Variants in NWD1 observed in about 807,000 individuals in gnomAD.
The protein encoded by NWD1 is NACHT and WD repeat domain containing 1.
In NWD1, 129 loss-of-function variants were observed where a neutral mutation model predicts 135.1. The observed-to-expected ratio is 0.96, with a 90% CI of 0.83 to 1.11. NWD1 has a LOEUF of 1.11. Among genes scored for constraint, NWD1 ranks in the 50% least tolerant of loss-of-function variants. The pLI is 0.00. For synonymous variants in NWD1, 773 were observed against 786.0 expected (o/e 0.98, Z 0.28); for missense variants, 1,740 against 1,851.3 (o/e 0.94, Z 1.10).
rs375602441 is a variant in NWD1 at position 16,749,160 on chromosome 19, G to A, written c.518G>A (p.Arg173Gln). 4.0e-5 allele frequency: 65 copies of A among 1,607,244 alleles called. No homozygotes were observed. Among genetic ancestry groups the A allele is most frequent in the Non-Finnish European group, 4.6e-5 (54 of 1,176,070 alleles). ...HRSVIEWEIE[R>Q]SLLSSEDREQ... ...GCAGTCATTGAGTGGGAGATAGAGCGGAGCCTGCTGAGCTCAGAGGACCGG... is the reference window on the plus strand; with the variant it reads ...GCAGTCATTGAGTGGGAGATAGAGCAGAGCCTGCTGAGCTCAGAGGACCGG... Residue 173 changes from arginine to glutamine, a missense_variant, in exon 6 of 19, where the codon CGG becomes CAG. Arg to Gln is a conservative substitution (Grantham distance 43). Coordinates refer to ENST00000524140, the MANE Select transcript of NWD1 (RefSeq NM_001007525.5).
In NWD1 at chr19:16,763,873, C is replaced by T. The variant is rs373800351; in HGVS notation, c.2179C>T (p.Arg727Trp). 5.8e-5 allele frequency: 93 copies of T among 1,613,808 alleles called. No homozygotes were observed. Among genetic ancestry groups the T allele is most frequent in the South Asian group, 1.2e-4 (11 of 91,078 alleles). ...GTTCTCACATACGGTTGCAAACCTGCGGAAGCTGAAGGAGTTGCCCTATCA... is the reference window on the plus strand; with the variant it reads ...GTTCTCACATACGGTTGCAAACCTGTGGAAGCTGAAGGAGTTGCCCTATCA... ...LWFSHTVANL[R>W]KLKELPYHLL... The change falls in exon 9 of 19, where the codon CGG becomes TGG. Residue 727 changes from arginine (R) to tryptophan (W), a missense_variant. Coordinates refer to ENST00000524140, the MANE Select transcript of NWD1 (RefSeq NM_001007525.5).
At chr19:16,748,678 G>T (rs572911108) in intron 5 of NWD1, among the ~76,000 whole-genome samples, 5 of 152,142 alleles carry the variant, frequency 3.3e-5, no homozygotes, top group Admixed American at 6.6e-5. Context: ...ACAAAAATTA[G>T]CCAGGCGTGC....
chr19:16,740,463 G>A (rs1290784717), intron 4 of NWD1, among the ~76,000 whole-genome samples: 1 of 151,846 alleles, frequency 6.6e-6, no homozygotes, highest in Non-Finnish European at 1.5e-5. Flanking sequence ...AGCCTCCTGA[G>A]TAGCTGGGAT....
chr19:16,722,918 G>A (rs983230815), intron 1 of NWD1, among the ~76,000 whole-genome samples: 3 of 152,074 alleles, frequency 2.0e-5, no homozygotes, highest in African/African-American at 7.2e-5. Context: ...CCTAGTTGGT[G>A]GCAAACTGTT....
intron 1 of NWD1, among the ~76,000 whole-genome samples, chr19:16,722,477 CG>C (rs1967175919): frequency 6.6e-6 from 1 of 151,608 alleles, no homozygotes; most frequent in South Asian, 2.1e-4. Flanking sequence ...TTAGTAGAGG[CG>C]GGGTTTCTCC....
At chr19:16,809,326 G>A (rs1413671904) in intron 18 of NWD1, among the ~76,000 whole-genome samples, 1 of 151,874 alleles carries the variant, frequency 6.6e-6, no homozygotes, top group Non-Finnish European at 1.5e-5. Context: ...GACCTGCCTT[G>A]GCCTCCCAAA....
At chr19:16,810,720 G>A (rs1026963727) in intron 18 of NWD1, among the ~76,000 whole-genome samples, 1 of 152,040 alleles carries the variant, frequency 6.6e-6, no homozygotes, top group Non-Finnish European at 1.5e-5. Context: ...CTATGATCTC[G>A]CCACTGCACT....
Position 16,749,162 on chromosome 19 carries a change from A to G in NWD1, c.520A>G (p.Ser174Gly), listed in dbSNP as rs3888834. ...AGTCATTGAGTGGGAGATAGAGCGG[A>G]GCCTGCTGAGCTCAGAGGACCGGGA... ...RSVIEWEIER[S>G]LLSSEDREQG... is the part of the protein sequence containing the mutation. The change falls in exon 6 of 19, where the codon AGC becomes GGC. Residue 174 changes from serine to glycine, a missense_variant. By Grantham distance (56) the Ser-to-Gly change is moderately conservative (BLOSUM62 0). Transcript: ENST00000524140. 6.2e-7 allele frequency: 1 copy of G among 1,609,410 alleles called. No individual in the cohort carries two copies. Among genetic ancestry groups the G allele is most frequent in the Admixed American group, 1.7e-5 (1 of 59,312 alleles).
intron 5 of NWD1, among the ~76,000 whole-genome samples, chr19:16,748,806 A>G (rs895060287): frequency 6.6e-6 from 1 of 151,948 alleles, no homozygotes; most frequent in Non-Finnish European, 1.5e-5. Flanking sequence ...CCTGGGTGAC[A>G]GAGTGAGACC....
chr19:16,746,060 C>T (rs1334102787), intron 5 of NWD1, among the ~76,000 whole-genome samples: 4 of 152,084 alleles, frequency 2.6e-5, no homozygotes, highest in Non-Finnish European at 5.9e-5. Context: ...GCCCACCAAT[C>T]ACATAAATTG....
intron 11 of NWD1, among the ~76,000 whole-genome samples, chr19:16,778,142 A>C (rs922904765): frequency 3.3e-5 from 5 of 152,104 alleles, no homozygotes; most frequent in Non-Finnish European, 1.5e-5. Flanking sequence ...ACGGGCTCTG[A>C]TTCAGCACCA....
rs1360510902 is a variant in NWD1, at chr19:16,741,851, C to G, written c.199-2570C>G. Among the ~76,000 whole-genome samples, 4 of 152,112 alleles carry G rather than the reference C, an allele frequency of 2.6e-5. No individual in the cohort carries two copies. In the East Asian group the frequency reaches 7.7e-4, roughly 29 times the overall value. Reference sequence around the variant, plus strand: ...GTTGGCTGGGCCCGGTGGCTCCTGCCTGTAATCCCAGAACGTTGGGAGGCT... The same window carrying G: ...GTTGGCTGGGCCCGGTGGCTCCTGCGTGTAATCCCAGAACGTTGGGAGGCT... On this transcript the variant is annotated intron_variant, in intron 4 of 18. Transcript: ENST00000524140.
Position 16,791,477 on chromosome 19 carries a change from T to C in NWD1, c.3068T>C (p.Val1023Ala), listed in dbSNP as rs778014209. ...CTGCTGACAGTGTCCAGGGATGGTG[T>C]GGTCAGTCTGTGGAGCTCAGCTACG... ...ATLLTVSRDG[V>A]VSLWSSATGK... The change falls in exon 14 of 19, where the codon GTG (valine) becomes GCG (alanine). Residue 1023 changes from valine (V) to alanine (A), a missense_variant. Physicochemically the swap from Val to Ala is moderately conservative, Grantham distance 64. Transcript: ENST00000524140. The C allele has an allele frequency of 1.2e-6, 2 of 1,614,104 alleles. No homozygotes were observed. Among genetic ancestry groups the C allele is most frequent in the South Asian group, 1.1e-5 (1 of 91,086 alleles).
intron 17 of NWD1, among the ~76,000 whole-genome samples, chr19:16,802,463 TAAAAAAAAAAAA>T (rs1165843521): frequency 1.0e-5 from 1 of 96,482 alleles, no homozygotes; most frequent in Admixed American, 1.2e-4. Flanking sequence ...CTATCTCAAT[TAAAAAAAAAAAA>T]AAAAAAAAAA....
At chr19:16,786,578 A>G (rs1157313483) in intron 12 of NWD1, among the ~76,000 whole-genome samples, 2 of 149,818 alleles carry the variant, frequency 1.3e-5, no homozygotes, top group African/African-American at 2.5e-5. Flanking sequence ...ACAGAGTCTC[A>G]CTCTGTTGCC....
At chr19:16,775,707 C>T (rs545116159) in intron 11 of NWD1, among the ~76,000 whole-genome samples, 27 of 152,098 alleles carry the variant, frequency 1.8e-4, no homozygotes, top group Non-Finnish European at 3.4e-4. Flanking sequence ...TTGTTCTTGT[C>T]GCCCAGGCTG....
intron 15 of NWD1, among the ~76,000 whole-genome samples, chr19:16,795,078 C>T (rs1302898773): frequency 6.6e-6 from 1 of 152,344 alleles, no homozygotes; most frequent in East Asian, 1.9e-4. Context: ...GCCATTGCGC[C>T]CAGCCCTTTC....
chr19:16,734,861 T>C (rs947320154), intron 3 of NWD1, among the ~76,000 whole-genome samples: 11 of 152,100 alleles, frequency 7.2e-5, no homozygotes, highest in African/African-American at 2.2e-4. Context: ...GCTGGGATTA[T>C]AGGGGTAAGC....
intron 6 of NWD1, among the ~76,000 whole-genome samples, chr19:16,754,960 G>A (rs1444371941): frequency 6.6e-6 from 1 of 151,954 alleles, no homozygotes; most frequent in African/African-American, 2.4e-5. Flanking sequence ...CGATAAATAT[G>A]TATAGTCTCA....
Sources: allele counts gnomAD v4.1 joint callset (sites outside exome capture counted in the v4.1 genomes callset), GRCh38; gene constraint gnomAD v4.1.1; transcripts MANE v1.5; gene names NCBI Gene and HGNC (gene_info 2026-07-23, HGNC 2026-07-21).